LRP1B: variants seen among roughly 807,000 people sequenced by gnomAD.
The protein encoded by LRP1B is LDL receptor related protein 1B, also known as low-density lipoprotein receptor-related protein 1B.
In LRP1B, 217 loss-of-function variants were observed where a neutral mutation model predicts 556.6. The observed-to-expected ratio is 0.39, with a 90% confidence interval of 0.35 to 0.44. The LOEUF (loss-of-function observed/expected upper bound fraction) is 0.44. Among genes scored for constraint, LRP1B ranks in the 20% least tolerant of loss-of-function variants. The pLI is 1.00. For synonymous variants in LRP1B, 2,047 were observed against 1,865.8 expected (o/e 1.10, Z -2.50); for missense variants, 5,053 against 5,620.8 (o/e 0.90, Z 3.23).
chr2:140,977,938 C>G (rs1025801543), intron 18 of LRP1B, among the ~76,000 whole-genome samples: 1 of 152,144 alleles, frequency 6.6e-6, no homozygotes, highest in Non-Finnish European at 1.5e-5. Context: ...AAGTTGAGAA[C>G]CAACGTTAGT....
At chr2:141,612,814 A>G (rs2105324475) in intron 2 of LRP1B, among the ~76,000 whole-genome samples, 1 of 152,116 alleles carries the variant, frequency 6.6e-6, no homozygotes, top group Non-Finnish European at 1.5e-5. Flanking sequence ...TATTAAGTAT[A>G]TATACAGAGA....
At chr2:140,320,850 C>T (rs1012168565) in intron 82 of LRP1B, among the ~76,000 whole-genome samples, 1 of 152,032 alleles carries the variant, frequency 6.6e-6, no homozygotes, top group Non-Finnish European at 1.5e-5. Context: ...CGAGATCAGG[C>T]TGGCCAACAT....
chr2:141,787,867 T>C (rs1442821394), intron 2 of LRP1B, among the ~76,000 whole-genome samples: 2 of 152,000 alleles, frequency 1.3e-5, no homozygotes, highest in African/African-American at 4.8e-5. Flanking sequence ...GCCTTTCTCA[T>C]TAAAATCTTT....
Position 140,406,679 on chromosome 2 carries a change from G to A in LRP1B, c.10415-20670C>T, listed in dbSNP as rs1684753444. 2.6e-5 allele frequency among the ~76,000 whole-genome samples: 4 copies of A among 151,988 alleles called. No individual in the cohort carries two copies. In the South Asian group the frequency reaches 8.3e-4, roughly 32 times the overall value. On this transcript the variant is annotated intron_variant, in intron 66 of 90. Coordinates refer to ENST00000389484, the MANE Select transcript of LRP1B (RefSeq NM_018557.3). ...CAAGGAAAACTATAAAACATTGTTGGAAGAAATCACTAATGACACAAAAAT... is the reference window on the plus strand; with the variant it reads ...CAAGGAAAACTATAAAACATTGTTGAAAGAAATCACTAATGACACAAAAAT...
chr2:140,935,883 TACAC>T (rs572522285), intron 20 of LRP1B, among the ~76,000 whole-genome samples: 1 of 151,664 alleles, frequency 6.6e-6, no homozygotes, highest in African/African-American at 2.4e-5. Flanking sequence ...AATCTGCTGA[TACAC>T]ACACACACAT....
At chr2:140,668,357 G>A (rs1428380275) in intron 41 of LRP1B, among the ~76,000 whole-genome samples, 3 of 132,276 alleles carry the variant, frequency 2.3e-5, no homozygotes, top group Admixed American at 7.8e-5. Context: ...AGAATATTTA[G>A]GGTCAAATAT....
chr2:141,321,017 T>C (rs192999669), intron 3 of LRP1B, among the ~76,000 whole-genome samples: 30 of 152,270 alleles, frequency 2.0e-4, no homozygotes, highest in African/African-American at 7.0e-4. Context: ...GCTTCCTCTT[T>C]ATCTTCTTTA....
chr2:140,985,100 G>T (rs1218837214), intron 17 of LRP1B, among the ~76,000 whole-genome samples: 2 of 151,984 alleles, frequency 1.3e-5, no homozygotes, highest in Non-Finnish European at 2.9e-5. Flanking sequence ...TCCTTCAAGA[G>T]AATTGTTTAT....
chr2:141,440,741 G>A (rs371047887), intron 3 of LRP1B, among the ~76,000 whole-genome samples: 1 of 152,274 alleles, frequency 6.6e-6, no homozygotes, highest in Non-Finnish European at 1.5e-5. Context: ...AATCTGTAAC[G>A]ATGAAGAGAG....
At chr2:141,025,632 T>A (rs1698196403) in intron 11 of LRP1B, among the ~76,000 whole-genome samples, 1 of 152,082 alleles carries the variant, frequency 6.6e-6, no homozygotes, top group South Asian at 2.1e-4. Flanking sequence ...AGCAGCAACA[T>A]CAGCTCTTTT....
At chr2:142,093,096 A>AT (rs1292452469) in intron 1 of LRP1B, among the ~76,000 whole-genome samples, 3 of 151,870 alleles carry the variant, frequency 2.0e-5, no homozygotes, top group South Asian at 2.1e-4. Flanking sequence ...GCATAATTCA[A>AT]TTTTTTTCAT....
At chr2:140,724,321 T>TA (rs1381197812) in intron 35 of LRP1B, among the ~76,000 whole-genome samples, 6 of 151,988 alleles carry the variant, frequency 3.9e-5, no homozygotes, top group Non-Finnish European at 5.9e-5. Flanking sequence ...TTCATCTCTA[T>TA]AAAAAAATAA....
intron 1 of LRP1B, among the ~76,000 whole-genome samples, chr2:141,973,010 AAT>A (rs1701788446): frequency 6.6e-6 from 1 of 151,644 alleles, no homozygotes; most frequent in African/African-American, 2.4e-5. Context: ...TTATGACAAA[AAT>A]ATCTCATTTC....
At chr2:140,372,489 G>A (rs1683040771) in intron 69 of LRP1B, among the ~76,000 whole-genome samples, 3 of 152,008 alleles carry the variant, frequency 2.0e-5, no homozygotes, top group African/African-American at 7.2e-5. Flanking sequence ...GTTTTAATGA[G>A]TATATTTGTA....
chr2:141,837,375 A>C (rs1697320873), intron 1 of LRP1B, among the ~76,000 whole-genome samples: 2 of 152,048 alleles, frequency 1.3e-5, no homozygotes. Flanking sequence ...TTTACACCAA[A>C]TTAGAGGATT....
chr2:141,223,730 A>G lies in LRP1B; in HGVS notation c.850+5453T>C, dbSNP rs187709471. Among the ~76,000 whole-genome samples, 8 of 152,268 alleles carry G rather than the reference A, an allele frequency of 5.3e-5. No homozygotes were observed. The East Asian group carries it at 1.4e-3, about 26-fold the overall frequency. ...ATAGAGAACTCAGATTTAAGACCAC[A>G]CATCTACAACCATTAGATCTTTGAC... is the stretch of plus-strand genomic sequence containing the variant. On this transcript the variant is annotated intron_variant, in intron 6 of 90. Transcript: ENST00000389484.
chr2:141,964,254 C>T (rs1412262346), intron 1 of LRP1B, among the ~76,000 whole-genome samples: 2 of 151,082 alleles, frequency 1.3e-5, no homozygotes, highest in South Asian at 4.2e-4. Flanking sequence ...CTTTAATGTT[C>T]ATATGGAACC....
Position 141,965,771 on chromosome 2 carries a change from T to C in LRP1B, c.83-155370A>G, listed in dbSNP as rs142258472. Among the ~76,000 whole-genome samples the C allele has an allele frequency of 6.9e-4, 78 of 112,718 alleles. No homozygotes were observed. The East Asian group carries it at 0.013, about 18-fold the overall frequency. 73.9% of individuals were successfully genotyped at this position (112,718 alleles called of 152,430 possible). ...TTAAAAAAAATAATAATAATAGTAA[T>C]AATAAATAAATAAATAAATATGTAT... On this transcript the variant is annotated intron_variant, in intron 1 of 90. Coordinates refer to ENST00000389484, the MANE Select transcript of LRP1B (RefSeq NM_018557.3).
chr2:141,393,099 C>T (rs1690114453), intron 3 of LRP1B, among the ~76,000 whole-genome samples: 1 of 152,088 alleles, frequency 6.6e-6, no homozygotes, highest in African/African-American at 2.4e-5. Flanking sequence ...TGGCCAAACA[C>T]TAGACAAGAT....
Sources: gnomAD v4.1 joint callset for allele counts (sites outside exome capture counted in the v4.1 genomes callset) on GRCh38, gnomAD v4.1.1 for gene constraint, MANE v1.5 for transcripts, NCBI Gene and HGNC (gene_info 2026-07-23, HGNC 2026-07-21) for gene names.